Variants in CNBD1 observed in about 807,000 individuals in gnomAD.
CNBD1 encodes the protein cyclic nucleotide-binding domain-containing protein 1.
In CNBD1, 71 loss-of-function variants were observed where a neutral mutation model predicts 54.4. The observed-to-expected ratio is 1.30, with a 90% CI of 1.08 to 1.59. CNBD1 has a LOEUF of 1.59. Among genes scored for constraint, CNBD1 ranks in the 40% most tolerant of loss-of-function variants. The pLI is 0.00. For missense variants in CNBD1, 659 were observed against 518.0 expected, an observed-to-expected ratio of 1.27 and a Z score of -2.64; for synonymous variants, 182 against 170.7, an observed-to-expected ratio of 1.07 and a Z score of -0.51.
chr8:87,108,229 C>T (rs562239554), intron 4 of CNBD1, among the ~76,000 whole-genome samples: 12 of 152,182 alleles, frequency 7.9e-5, no homozygotes, highest in African/African-American at 2.9e-4. Context: ...AGTCCTCAAG[C>T]TAGTTCTTAA....
intron 8 of CNBD1, among the ~76,000 whole-genome samples, chr8:87,341,095 T>G (rs1313323364): frequency 1.3e-5 from 2 of 152,204 alleles, no homozygotes; most frequent in Non-Finnish European, 2.9e-5. Context: ...AAGCCTTTTC[T>G]TTAGATGTAT....
chr8:86,955,420 C>A (rs1319961600), intron 4 of CNBD1, among the ~76,000 whole-genome samples: 2 of 152,142 alleles, frequency 1.3e-5, no homozygotes, highest in Non-Finnish European at 2.9e-5. Flanking sequence ...TGTCTTCCAC[C>A]ATGGTTGAAC....
Position 87,246,796 on chromosome 8 carries a change from G to A in CNBD1, c.771+9684G>A, listed in dbSNP as rs772720752. Among the ~76,000 whole-genome samples the A allele has an allele frequency of 2.0e-5, 3 of 152,006 alleles. No homozygotes were observed. In the East Asian group the frequency reaches 5.8e-4, roughly 29 times the overall value. ...GACAATTTTTCCACGGACTAGGGGT[G>A]GGGGATGGTTTTGGGATGATTTAAG... On this transcript the variant is annotated intron_variant, in intron 6 of 10. Transcript: ENST00000518476.
At chr8:86,964,971 G>A (rs912825700) in intron 4 of CNBD1, among the ~76,000 whole-genome samples, 2 of 152,136 alleles carry the variant, frequency 1.3e-5, no homozygotes, top group African/African-American at 4.8e-5. Flanking sequence ...TCTTCTTGAG[G>A]CAATGCTTCT....
chr8:86,963,267 T>A (rs537704138), intron 4 of CNBD1, among the ~76,000 whole-genome samples: 6 of 152,252 alleles, frequency 3.9e-5, no homozygotes, highest in African/African-American at 1.4e-4. Context: ...TCCGTCACAT[T>A]TGAGTTCCCT....
At chr8:87,265,432 C>T (rs577549754) in intron 6 of CNBD1, among the ~76,000 whole-genome samples, 46 of 152,142 alleles carry the variant, frequency 3.0e-4, no homozygotes, top group Admixed American at 5.2e-4. Flanking sequence ...AGTCAGATAG[C>T]GTGATGCCTC....
intron 4 of CNBD1, among the ~76,000 whole-genome samples, chr8:87,061,893 G>GT (rs1408249563): frequency 6.6e-6 from 1 of 152,170 alleles, no homozygotes; most frequent in Non-Finnish European, 1.5e-5. Context: ...CTACCCTGTG[G>GT]TATGCCCTGT....
chr8:87,353,878 A>C, intron 10 of CNBD1, 92 bp downstream of exon 10: 2 of 836,614 alleles, frequency 2.4e-6, no homozygotes, highest in Non-Finnish European at 3.6e-6. Context: ...TCAGATGCAT[A>C]TTTATTAAAT....
chr8:87,002,564 A>G (rs911496759), intron 4 of CNBD1, among the ~76,000 whole-genome samples: 2 of 149,548 alleles, frequency 1.3e-5, no homozygotes, highest in African/African-American at 4.9e-5. Flanking sequence ...TCTCCTTTGC[A>G]CTTACTCTTA....
chr8:86,977,712 C>T (rs942951140), intron 4 of CNBD1, among the ~76,000 whole-genome samples: 1 of 151,958 alleles, frequency 6.6e-6, no homozygotes, highest in African/African-American at 2.4e-5. Context: ...ACTGAACAGA[C>T]CAATAATGAG....
intron 3 of CNBD1, among the ~76,000 whole-genome samples, chr8:86,906,208 T>C (rs1342644823): frequency 6.6e-6 from 1 of 152,198 alleles, no homozygotes; most frequent in African/African-American, 2.4e-5. Flanking sequence ...TCAAACAAAA[T>C]TATTGTAACA....
chr8:86,909,882 C>T (rs1809074956), intron 3 of CNBD1, among the ~76,000 whole-genome samples: 1 of 152,110 alleles, frequency 6.6e-6, no homozygotes. Flanking sequence ...ATATTGACAT[C>T]CAACTGTTTC....
intron 5 of CNBD1, among the ~76,000 whole-genome samples, chr8:87,227,903 C>G (rs1328479087): frequency 6.7e-6 from 1 of 148,286 alleles, no homozygotes; most frequent in East Asian, 1.9e-4. Context: ...TTGGTCTTTT[C>G]ACATAGTCCC....
chr8:87,019,179 A>G (rs1428665348), intron 4 of CNBD1, among the ~76,000 whole-genome samples: 1 of 152,212 alleles, frequency 6.6e-6, no homozygotes, highest in Non-Finnish European at 1.5e-5. Context: ...TCAACACATA[A>G]AAGTTAAAAC....
chr8:87,257,852 T>A (rs4610766), intron 6 of CNBD1, among the ~76,000 whole-genome samples: 42,786 of 152,000 alleles, frequency 0.28, 6,481 homozygotes, highest in African/African-American at 0.39. Flanking sequence ...TTTAATTAAT[T>A]TTTGTTCTAC....
At chr8:87,304,760 C>G (rs1052087394) in intron 8 of CNBD1, among the ~76,000 whole-genome samples, 1 of 152,040 alleles carries the variant, frequency 6.6e-6, no homozygotes. Flanking sequence ...AGGGACATAT[C>G]TTAATGTAAT....
At chr8:87,074,089 A>T (rs1368884481) in intron 4 of CNBD1, among the ~76,000 whole-genome samples, 87 of 141,066 alleles carry the variant, frequency 6.2e-4, no homozygotes, top group Non-Finnish European at 1.2e-3. Context: ...TGACAGAGCG[A>T]GACTCCATCT....
chr8:87,425,116 C>G (rs1462020996), intron 2 of CNBD1, among the ~76,000 whole-genome samples: 2 of 152,128 alleles, frequency 1.3e-5, no homozygotes, highest in African/African-American at 4.8e-5. Context: ...ATCGCATCGG[C>G]TCCTGAGGCT....
At chr8:87,241,298 T>C (rs1190135199) in intron 6 of CNBD1, among the ~76,000 whole-genome samples, 2 of 118,500 alleles carry the variant, frequency 1.7e-5, no homozygotes, top group Non-Finnish European at 3.3e-5. Context: ...TTTTGAGGAG[T>C]CTCGCTCTGT....
Sources: allele counts gnomAD v4.1 joint callset (sites outside exome capture counted in the v4.1 genomes callset), GRCh38; gene constraint gnomAD v4.1.1; transcripts MANE v1.5; gene names NCBI Gene and HGNC (gene_info 2026-07-23, HGNC 2026-07-21).